The following TRAPPC9 variants were observed in gnomAD, a reference collection of about 807,000 sequenced individuals.
TRAPPC9 encodes the protein IKK2 binding protein.
Under a neutral mutation model 124.0 loss-of-function variants are expected in TRAPPC9, and 83 were observed. The ratio of observed to expected loss-of-function variants is 0.67; its 90% CI spans 0.56 to 0.80. TRAPPC9 has a LOEUF of 0.80. TRAPPC9 is among the 30% of genes least tolerant of loss of function. The pLI is 0.00. For synonymous variants in TRAPPC9, 638 were observed against 617.5 expected, an observed-to-expected ratio of 1.03 and a Z score of -0.49; for missense variants, 1,302 against 1,508.3, an observed-to-expected ratio of 0.86 and a Z score of 2.27.
At position 139,964,386 on chromosome 8, in the gene TRAPPC9, G is replaced by A. The variant is rs533788098; in HGVS notation, c.2810+24340C>T. On this transcript the variant is annotated intron_variant, in intron 19 of 22. Coordinates refer to ENST00000438773, the MANE Select transcript of TRAPPC9 (RefSeq NM_001160372.4). ...GGACAATCAGTTCATAGCCAACTCT[G>A]GAATGCACTCTCTCACAGAGCACTA... Among the ~76,000 whole-genome samples, 5 of 152,166 alleles carry A rather than the reference G, an allele frequency of 3.3e-5. No homozygotes were observed. The South Asian group carries it at 8.3e-4, about 25-fold the overall frequency.
At chr8:140,299,260 G>A (rs1020244770) in intron 11 of TRAPPC9, among the ~76,000 whole-genome samples, 1 of 152,206 alleles carries the variant, frequency 6.6e-6, no homozygotes, top group Non-Finnish European at 1.5e-5. Flanking sequence ...GATGGTGGCA[G>A]GAGGTGGCAT....
intron 8 of TRAPPC9, among the ~76,000 whole-genome samples, chr8:140,362,180 A>C (rs2067973983): frequency 6.6e-6 from 1 of 152,182 alleles, no homozygotes; most frequent in Non-Finnish European, 1.5e-5. Flanking sequence ...TTTATGTCTT[A>C]TCCATTCAAG....
At chr8:139,916,858 G>C (rs1832166414) in intron 19 of TRAPPC9, among the ~76,000 whole-genome samples, 1 of 152,226 alleles carries the variant, frequency 6.6e-6, no homozygotes, top group African/African-American at 2.4e-5. Flanking sequence ...TAATTCAACT[G>C]AACTTTCATT....
At chr8:140,025,943 C>T (rs888694586) in intron 17 of TRAPPC9, among the ~76,000 whole-genome samples, 7 of 152,168 alleles carry the variant, frequency 4.6e-5, no homozygotes, top group African/African-American at 7.2e-5. Context: ...CATCCATTTC[C>T]GTCCCCAGAA....
chr8:139,950,785 T>C (rs1834587639), intron 19 of TRAPPC9, among the ~76,000 whole-genome samples: 1 of 152,164 alleles, frequency 6.6e-6, no homozygotes, highest in Non-Finnish European at 1.5e-5. Flanking sequence ...TCAATTAGGC[T>C]ACAAGAGCAG....
At chr8:140,195,053 A>C (rs2062606536) in intron 17 of TRAPPC9, among the ~76,000 whole-genome samples, 2 of 151,960 alleles carry the variant, frequency 1.3e-5, no homozygotes, top group Non-Finnish European at 2.9e-5. Flanking sequence ...CACTGTACAG[A>C]TCACGCCTGT....
Position 140,330,219 on chromosome 8 carries a change from T to C in TRAPPC9, c.1496-18845A>G, listed in dbSNP as rs140754803. ...CAACATGTCCAGCAAGTTAAGCATC[T>C]TACAGAGCAAGAGAAATCAACTCAG... is the stretch of plus-strand genomic sequence containing the variant. On this transcript the variant is annotated intron_variant, in intron 9 of 22. Transcript: ENST00000438773. Among the ~76,000 whole-genome samples, 635 of 151,858 alleles carry C rather than the reference T, an allele frequency of 4.2e-3. 8 individuals carry two copies. The highest frequency in any genetic ancestry group is 0.015 in the African/African-American group (619 of 41,402).
intron 21 of TRAPPC9, among the ~76,000 whole-genome samples, chr8:139,828,257 A>G (rs1412440224): frequency 6.6e-6 from 1 of 152,214 alleles, no homozygotes; most frequent in Non-Finnish European, 1.5e-5. Flanking sequence ...TGGTACACAG[A>G]GGTCCTCAGT....
chr8:140,371,151 G>C lies in TRAPPC9; in HGVS notation c.1164C>G (p.Tyr388Ter). 1.9e-6 allele frequency: 3 copies of C among 1,613,658 alleles called. No individual in the cohort carries two copies. The highest frequency in any genetic ancestry group is 2.5e-6 in the Non-Finnish European group (3 of 1,179,798). Residue 388 changes from tyrosine to a stop codon, truncating the protein, a stop_gained, in exon 8 of 23, where the codon TAC becomes TAG. Transcript: ENST00000438773. LOFTEE classifies it high-confidence loss of function. The part of the protein sequence containing the change: ...QLSEEEKIQR[Y>*]SILSELYELI... ...GCTCATAGAGCTCGGAGAGGATGCT[G>C]TAGCGCTGAATTTTCTCTTCCTCAG...
chr8:140,177,903 ATT>A (rs1255110417), intron 17 of TRAPPC9, among the ~76,000 whole-genome samples: 2 of 152,056 alleles, frequency 1.3e-5, no homozygotes, highest in African/African-American at 2.4e-5. Flanking sequence ...CAAGTATATA[ATT>A]TTTGTTTTTA....
At chr8:139,945,901 A>T (rs570694436) in intron 19 of TRAPPC9, among the ~76,000 whole-genome samples, 3 of 152,384 alleles carry the variant, frequency 2.0e-5, no homozygotes, top group African/African-American at 7.2e-5. Flanking sequence ...AGGTGGATAT[A>T]GTAATAGACA....
At chr8:140,223,754 A>C (rs1394266914) in intron 16 of TRAPPC9, among the ~76,000 whole-genome samples, 1 of 152,160 alleles carries the variant, frequency 6.6e-6, no homozygotes, top group Non-Finnish European at 1.5e-5. Flanking sequence ...AAAAAAAAAA[A>C]ACAAAAACAC....
chr8:140,286,485 C>T (rs1443010294), intron 13 of TRAPPC9, among the ~76,000 whole-genome samples: 1 of 152,078 alleles, frequency 6.6e-6, no homozygotes, highest in Non-Finnish European at 1.5e-5. Flanking sequence ...TGTGACAAAC[C>T]CTAGAAGAGT....
intron 19 of TRAPPC9, among the ~76,000 whole-genome samples, chr8:139,941,498 G>A (rs2131445643): frequency 6.6e-6 from 1 of 152,242 alleles, no homozygotes; most frequent in East Asian, 1.9e-4. Flanking sequence ...CAGTATGGCA[G>A]GAGGGCAGGC....
rs1057389751 is a variant in TRAPPC9 at position 140,236,027 on chromosome 8, G to GAC, written c.2432-14446_2432-14445dup. On this transcript the variant is annotated intron_variant, in intron 16 of 22. Transcript: ENST00000438773. The stretch of plus-strand genomic sequence containing the variant: ...GGAGACATTAAGAGTATACAGTTGT[G>GAC]ACACTTTAGGCCAAAGGAAAAAAGA... Among the ~76,000 whole-genome samples, 6 of 150,506 alleles carry GAC rather than the reference G, an allele frequency of 4.0e-5. No homozygotes were observed. In the East Asian group the frequency reaches 9.7e-4, roughly 24 times the overall value.
chr8:140,365,218 T>C (rs114736655), intron 8 of TRAPPC9, among the ~76,000 whole-genome samples: 55 of 152,024 alleles, frequency 3.6e-4, no homozygotes, highest in African/African-American at 1.2e-3. Context: ...TAAACGAGTG[T>C]AAACTAGTGG....
intron 19 of TRAPPC9, among the ~76,000 whole-genome samples, chr8:139,954,343 A>C (rs1834846697): frequency 6.6e-6 from 1 of 152,178 alleles, no homozygotes; most frequent in Admixed American, 6.5e-5. Context: ...TCCCCCAGTA[A>C]TTCATATGTT....
chr8:139,976,098 A>G (rs1413464073), intron 19 of TRAPPC9, among the ~76,000 whole-genome samples: 2 of 151,820 alleles, frequency 1.3e-5, no homozygotes, highest in African/African-American at 4.8e-5. Flanking sequence ...CCACTGTGTT[A>G]GCCAGGATGG....
At chr8:140,135,699 T>G (rs550224351) in intron 17 of TRAPPC9, among the ~76,000 whole-genome samples, 26 of 152,362 alleles carry the variant, frequency 1.7e-4, no homozygotes, top group Non-Finnish European at 1.8e-4. Context: ...GGAAAACTTC[T>G]GGAAGTGGTG....
Sources: allele counts gnomAD v4.1 joint callset (sites outside exome capture counted in the v4.1 genomes callset), GRCh38; gene constraint gnomAD v4.1.1; transcripts MANE v1.5; gene names NCBI Gene and HGNC (gene_info 2026-07-23, HGNC 2026-07-21).